VWC2L: variants seen among roughly 807,000 people sequenced by gnomAD.
VWC2L encodes von Willebrand factor C domain-containing protein 2-like.
Under a neutral mutation model 21.6 loss-of-function variants are expected in VWC2L, and 10 were observed. That is an observed-to-expected ratio of 0.46 (90% confidence interval 0.29 to 0.78). VWC2L has a LOEUF of 0.78. Among genes scored for constraint, VWC2L ranks in the 30% least tolerant of loss-of-function variants. VWC2L has a pLI of 0.10. For missense variants in VWC2L, 209 were observed against 277.1 expected, an observed-to-expected ratio of 0.75 and a Z score of 1.74; for synonymous variants, 96 against 94.3, an observed-to-expected ratio of 1.02 and a Z score of -0.10.
At chr2:214,484,506 A>G (rs994860191) in intron 3 of VWC2L, among the ~76,000 whole-genome samples, 2 of 152,066 alleles carry the variant, frequency 1.3e-5, no homozygotes, top group South Asian at 2.1e-4. Flanking sequence ...AATTTCCCCT[A>G]TGAACAATGG....
At chr2:214,477,725 C>A (rs1688544778) in intron 3 of VWC2L, among the ~76,000 whole-genome samples, 1 of 152,228 alleles carries the variant, frequency 6.6e-6, no homozygotes, top group Non-Finnish European at 1.5e-5. Flanking sequence ...CCTAGTCAGG[C>A]TCTTAATTCC....
chr2:214,537,633 G>A (rs948709486), intron 3 of VWC2L, among the ~76,000 whole-genome samples: 5 of 151,828 alleles, frequency 3.3e-5, no homozygotes, highest in Non-Finnish European at 7.4e-5. Context: ...TATTTAAGGT[G>A]GAGAACATGT....
intron 3 of VWC2L, among the ~76,000 whole-genome samples, chr2:214,556,035 G>T (rs894743511): frequency 6.6e-6 from 1 of 152,076 alleles, no homozygotes. Context: ...ACACTCAGAT[G>T]AGCACATCAA....
At chr2:214,549,706 G>A (rs1429836140) in intron 3 of VWC2L, among the ~76,000 whole-genome samples, 1 of 152,222 alleles carries the variant, frequency 6.6e-6, no homozygotes, top group Admixed American at 6.5e-5. Context: ...CCGGGAGGCA[G>A]AGGTTGCAGT....
intron 3 of VWC2L, among the ~76,000 whole-genome samples, chr2:214,466,077 G>T (rs1703212436): frequency 6.6e-6 from 1 of 152,120 alleles, no homozygotes. Flanking sequence ...TTGATATGAT[G>T]TTAAGACCAG....
rs944447529 is a variant in VWC2L at position 214,576,706 on chromosome 2, A to G, written c.*886A>G. On this transcript the variant is annotated 3_prime_UTR_variant, in exon 4 of 4. Transcript: ENST00000312504. The stretch of plus-strand genomic sequence containing the variant: ...ATCAGGCAATATAAATACCAGAACC[A>G]GGGTGAGAAAACCCACTGTGAATCC... 6.6e-6 allele frequency: 1 copy of G among 152,186 alleles called. No individual in the cohort carries two copies. The highest frequency in any genetic ancestry group is 1.5e-5 in the Non-Finnish European group (1 of 68,030). 9.4% of individuals were successfully genotyped at this position (152,186 alleles called of 1,614,324 possible).
Position 214,469,790 on chromosome 2 carries a change from A to G in VWC2L, c.520+33032A>G, listed in dbSNP as rs577867776. Among the ~76,000 whole-genome samples the G allele has an allele frequency of 8.5e-5, 13 of 152,322 alleles. No individual in the cohort carries two copies. The South Asian group carries it at 2.7e-3, about 32-fold the overall frequency. On this transcript the variant is annotated intron_variant, in intron 3 of 3. Coordinates refer to ENST00000312504, the MANE Select transcript of VWC2L (RefSeq NM_001080500.4). ...TTTAAAGATTCCTGCATTTAAGTAA[A>G]ATGTAAACTTTAAGACTATTTTATT...
rs901814127 is a variant in VWC2L at position 214,546,126 on chromosome 2, G to A, written c.521-29546G>A. ...GAATTTGTATAAACAAGGGATGGGA[G>A]GAAACTCCTAGCTTAGCTCTAGGAA... On this transcript the variant is annotated intron_variant, in intron 3 of 3. Transcript: ENST00000312504. Among the ~76,000 whole-genome samples, 10 of 152,262 alleles carry A rather than the reference G, an allele frequency of 6.6e-5. No individual in the cohort carries two copies. The East Asian group carries it at 1.7e-3, about 26-fold the overall frequency.
intron 3 of VWC2L, among the ~76,000 whole-genome samples, chr2:214,545,639 GA>G (rs559868598): frequency 6.6e-6 from 1 of 152,062 alleles, no homozygotes; most frequent in African/African-American, 2.4e-5. Flanking sequence ...TATCTCTTCT[GA>G]AAAAAATTTA....
intron 2 of VWC2L, among the ~76,000 whole-genome samples, chr2:214,428,132 C>T (rs970941292): frequency 2.0e-5 from 3 of 152,152 alleles, no homozygotes; most frequent in Admixed American, 6.6e-5. Flanking sequence ...GAAACTCTGA[C>T]GAAGTTGAAA....
chr2:214,428,540 A>G (rs1702557381), intron 2 of VWC2L, among the ~76,000 whole-genome samples: 1 of 152,148 alleles, frequency 6.6e-6, no homozygotes, highest in South Asian at 2.1e-4. Context: ...TTAAATTAAA[A>G]TATGTTTTCA....
intron 3 of VWC2L, among the ~76,000 whole-genome samples, chr2:214,478,418 G>C (rs1688555927): frequency 6.6e-6 from 1 of 151,466 alleles, no homozygotes; most frequent in Non-Finnish European, 1.5e-5. Context: ...GGCGGAGTTT[G>C]CAGTGAGCGG....
At chr2:214,412,138 TTATA>T (rs1443554243) in intron 1 of VWC2L, among the ~76,000 whole-genome samples, 1 of 152,134 alleles carries the variant, frequency 6.6e-6, no homozygotes, top group African/African-American at 2.4e-5. Flanking sequence ...TATTTAATGT[TTATA>T]TAAAGTAGAT....
intron 3 of VWC2L, 27 bp from the exon 4 acceptor site, chr2:214,575,645 A>C: frequency 6.2e-7 from 1 of 1,610,644 alleles, no homozygotes; most frequent in Non-Finnish European, 8.5e-7. Flanking sequence ...GATTTAATCA[A>C]CTAATCAATG....
chr2:214,476,996 A>T (rs866696721), intron 3 of VWC2L, among the ~76,000 whole-genome samples: 3 of 152,184 alleles, frequency 2.0e-5, no homozygotes, highest in Admixed American at 1.3e-4. Flanking sequence ...CAGGAAACTA[A>T]CTTTTATGTT....
intron 3 of VWC2L, among the ~76,000 whole-genome samples, chr2:214,566,155 G>T (rs1690059312): frequency 6.6e-6 from 1 of 152,126 alleles, no homozygotes. Flanking sequence ...ATCATTCAAA[G>T]CAAAAACTAA....
At chr2:214,486,993 T>C (rs1295176620) in intron 3 of VWC2L, among the ~76,000 whole-genome samples, 1 of 152,316 alleles carries the variant, frequency 6.6e-6, no homozygotes. Context: ...CATGTTTAAA[T>C]GAAGTCATTA....
chr2:214,463,030 C>G (rs114052144), intron 3 of VWC2L, among the ~76,000 whole-genome samples: 1 of 152,024 alleles, frequency 6.6e-6, no homozygotes, highest in African/African-American at 2.4e-5. Flanking sequence ...ACATGTTTTA[C>G]GGCCAAGAAC....
At chr2:214,476,338 A>G (rs1239594402) in intron 3 of VWC2L, among the ~76,000 whole-genome samples, 1 of 152,226 alleles carries the variant, frequency 6.6e-6, no homozygotes, top group Non-Finnish European at 1.5e-5. Flanking sequence ...AATACTCAGT[A>G]TGAGGCTTAT....
Sources: gnomAD v4.1 joint callset for allele counts (sites outside exome capture counted in the v4.1 genomes callset) on GRCh38, gnomAD v4.1.1 for gene constraint, MANE v1.5 for transcripts, NCBI Gene and HGNC (gene_info 2026-07-23, HGNC 2026-07-21) for gene names.